Variants in RERE observed in about 807,000 individuals in gnomAD.
The protein encoded by RERE is arginine-glutamic acid dipeptide repeats.
RERE carries 40 observed loss-of-function variants against 146.1 expected under a neutral mutation model. The observed-to-expected ratio is 0.27, with a 90% CI of 0.21 to 0.36. The LOEUF is 0.36. Among genes scored for constraint, RERE ranks in the 10% least tolerant of loss-of-function variants. The probability of loss-of-function intolerance (pLI) is 1.00; values close to 1 mark genes in which losing one functional copy is unlikely to be tolerated. For synonymous variants in RERE, 1,003 were observed against 866.0 expected (o/e 1.16, Z -2.78); for missense variants, 1,933 against 2,138.7 (o/e 0.90, Z 1.90).
chr1:8,745,044 A>G (rs752606034), intron 1 of RERE, among the ~76,000 whole-genome samples: 22 of 152,112 alleles, frequency 1.4e-4, no homozygotes, highest in Non-Finnish European at 2.6e-4. Context: ...AGGGCATTCT[A>G]GTGACTTCCA....
chr1:8,456,876 C>G (rs1353847453), intron 11 of RERE, among the ~76,000 whole-genome samples: 1 of 152,148 alleles, frequency 6.6e-6, no homozygotes, highest in Non-Finnish European at 1.5e-5. Context: ...AAAGTTCAAC[C>G]CCTCTACCTG....
chr1:8,615,205 T>C lies in RERE; in HGVS notation c.397-519A>G, dbSNP rs181422099. Among the ~76,000 whole-genome samples, 28 of 152,280 alleles carry C rather than the reference T, an allele frequency of 1.8e-4. No individual in the cohort carries two copies. In the East Asian group the frequency reaches 5.4e-3, roughly 29 times the overall value. On this transcript the variant is annotated intron_variant, in intron 3 of 22. Transcript: ENST00000400908. ...TTTTCTCAAAGTTCAAGTTTAACTG[T>C]ATAAAGCTGAAGGCAAAGTAAATAG...
intron 1 of RERE, among the ~76,000 whole-genome samples, chr1:8,708,302 TTTTG>T (rs1430209139): frequency 6.6e-6 from 1 of 151,832 alleles, no homozygotes; most frequent in Non-Finnish European, 1.5e-5. Flanking sequence ...ATGGTTGCTT[TTTTG>T]TTTTTGTTTT....
In RERE at chr1:8,435,315, CCAGCACCTAGAACAG is replaced by C. The variant is rs1644154950; in HGVS notation, c.1204-12523_1204-12509del. 3.3e-5 allele frequency among the ~76,000 whole-genome samples: 5 copies of C among 152,304 alleles called. No individual in the cohort carries two copies. The South Asian group carries it at 1.0e-3, about 32-fold the overall frequency. The stretch of plus-strand genomic sequence containing the variant: ...CTTTGTTTTGTTCACTATTATATCC[CCAGCACCTAGAACAG>C]CACTTGACAACATATAGCAGGTGCT... On this transcript the variant is annotated intron_variant, in intron 11 of 22. Transcript: ENST00000400908.
intron 1 of RERE, among the ~76,000 whole-genome samples, chr1:8,704,937 G>A (rs917854856): frequency 1.3e-5 from 2 of 152,164 alleles, no homozygotes; most frequent in Non-Finnish European, 2.9e-5. Flanking sequence ...ATCCTGAGGG[G>A]GACCTGTGAC....
chr1:8,355,742 ACAGC>A (rs981548017), intron 21 of RERE, 143 bp from the exon 22 acceptor site: 1 of 739,062 alleles, frequency 1.4e-6, no homozygotes, highest in African/African-American at 1.8e-5. Flanking sequence ...GACTCTGCAG[ACAGC>A]CAGAGGGCAG....
At chr1:8,431,301 T>C (rs887337548) in intron 11 of RERE, among the ~76,000 whole-genome samples, 2 of 152,188 alleles carry the variant, frequency 1.3e-5, no homozygotes, top group South Asian at 2.1e-4. Context: ...TAGATTTTCA[T>C]AGGACCACGA....
At chr1:8,576,049 C>A (rs923652929) in intron 4 of RERE, among the ~76,000 whole-genome samples, 1 of 152,082 alleles carries the variant, frequency 6.6e-6, no homozygotes, top group African/African-American at 2.4e-5. Flanking sequence ...AAAATGTGTA[C>A]AGGGTCTGAG....
At chr1:8,491,615 C>T (rs1644981253) in intron 10 of RERE, among the ~76,000 whole-genome samples, 1 of 152,066 alleles carries the variant, frequency 6.6e-6, no homozygotes, top group Non-Finnish European at 1.5e-5. Context: ...AAGATCCTGC[C>T]TCAAACAAAC....
At chr1:8,598,330 C>A (rs912166184) in intron 4 of RERE, among the ~76,000 whole-genome samples, 15 of 152,172 alleles carry the variant, frequency 9.9e-5, no homozygotes, top group Admixed American at 9.2e-4. Flanking sequence ...GAAGAGAAAA[C>A]AGTTAACCAC....
In RERE at chr1:8,384,862, G is replaced by A. The variant is rs746904297; in HGVS notation, c.1285-18888C>T. Among the ~76,000 whole-genome samples, 4 of 152,230 alleles carry A rather than the reference G, an allele frequency of 2.6e-5. No homozygotes were observed. In the East Asian group the frequency reaches 7.7e-4, roughly 29 times the overall value. On this transcript the variant is annotated intron_variant, in intron 12 of 22. Transcript: ENST00000400908. ...GACCAGCGTTCCTGAGTGGCAGAGG[G>A]CAACAGCTGGCCATCAACATGCCAG...
intron 1 of RERE, among the ~76,000 whole-genome samples, chr1:8,669,707 T>C (rs1426321933): frequency 6.6e-6 from 1 of 152,228 alleles, no homozygotes. Context: ...ATCTTTAATA[T>C]ACAGGAATTC....
intron 4 of RERE, among the ~76,000 whole-genome samples, chr1:8,604,232 T>C (rs895998596): frequency 2.6e-5 from 4 of 152,214 alleles, no homozygotes; most frequent in African/African-American, 9.7e-5. Context: ...AAACCGATAC[T>C]ATGATTTTAA....
chr1:8,453,694 T>TACTGGGGA (rs758651067), intron 11 of RERE, among the ~76,000 whole-genome samples: 1 of 152,122 alleles, frequency 6.6e-6, no homozygotes, highest in African/African-American at 2.4e-5. Flanking sequence ...TAGTCCCAGC[T>TACTGGGGA]ACTGGGGAGG....
At chr1:8,601,102 CTCCACCTTCT>C (rs1282786281) in intron 4 of RERE, among the ~76,000 whole-genome samples, 1 of 148,586 alleles carries the variant, frequency 6.7e-6, no homozygotes, top group Non-Finnish European at 1.5e-5. Context: ...TTGCTGCAAC[CTCCACCTTCT>C]GGGTTCAAGC....
chr1:8,534,930 A>C (rs1645705469), intron 7 of RERE, among the ~76,000 whole-genome samples: 1 of 152,154 alleles, frequency 6.6e-6, no homozygotes, highest in South Asian at 2.1e-4. Context: ...AATAATAAGG[A>C]AACACCATAA....
intron 11 of RERE, among the ~76,000 whole-genome samples, chr1:8,449,415 G>A (rs573532844): frequency 3.0e-4 from 45 of 152,296 alleles, no homozygotes; most frequent in African/African-American, 1.0e-3. Context: ...GCCATGGGGA[G>A]TATTCACCCA....
intron 4 of RERE, among the ~76,000 whole-genome samples, chr1:8,577,791 T>TA (rs1646314530): frequency 1.3e-5 from 2 of 152,162 alleles, no homozygotes; most frequent in Admixed American, 6.5e-5. Context: ...AGGCTGGACA[T>TA]GCACTTTAAA....
At chr1:8,723,996 T>C (rs1028227268) in intron 1 of RERE, among the ~76,000 whole-genome samples, 1 of 151,730 alleles carries the variant, frequency 6.6e-6, no homozygotes, top group Admixed American at 6.6e-5. Context: ...TGTTCCAGCA[T>C]TTTGTCAACT....
Sources: allele counts gnomAD v4.1 joint callset (sites outside exome capture counted in the v4.1 genomes callset), GRCh38; gene constraint gnomAD v4.1.1; transcripts MANE v1.5; gene names NCBI Gene and HGNC (gene_info 2026-07-23, HGNC 2026-07-21).